The following B3GALT5 variants were observed in gnomAD, a reference collection of about 807,000 sequenced individuals.
The protein encoded by B3GALT5 is UDP-Gal:betaGlcNAc beta 1,3-galactosyltransferase, polypeptide 5.
For synonymous variants in B3GALT5, 156 were observed against 158.6 expected, an observed-to-expected ratio of 0.98 and a Z score of 0.12; for missense variants, 328 against 396.6, an observed-to-expected ratio of 0.83 and a Z score of 1.47.
chr21:39,632,496 C>T (rs905791615), intron 1 of B3GALT5, among the ~76,000 whole-genome samples: 6 of 152,130 alleles, frequency 3.9e-5, no homozygotes, highest in Non-Finnish European at 7.3e-5. Context: ...GACAAGGAGA[C>T]GCCACGTAAT....
intron 2 of B3GALT5, among the ~76,000 whole-genome samples, chr21:39,651,049 G>A (rs1015025573): frequency 5.3e-5 from 8 of 151,996 alleles, no homozygotes; most frequent in Non-Finnish European, 1.2e-4. Flanking sequence ...CGGTGCCATC[G>A]TGGTTTTGAA....
chr21:39,633,807 A>T (rs766773857), intron 1 of B3GALT5, among the ~76,000 whole-genome samples: 3 of 152,174 alleles, frequency 2.0e-5, no homozygotes, highest in Non-Finnish European at 2.9e-5. Context: ...TATTTGGTTT[A>T]TTTTGCCCTC....
chr21:39,628,698 G>A (rs1015637358), intron 1 of B3GALT5, among the ~76,000 whole-genome samples: 3 of 152,164 alleles, frequency 2.0e-5, no homozygotes, highest in Admixed American at 6.5e-5. Flanking sequence ...CACAAATGTC[G>A]TCCTGTACAG....
Position 39,662,551 on chromosome 21 carries a change from C to T in B3GALT5, c.*1059C>T, listed in dbSNP as rs1400776382. On this transcript the variant is annotated 3_prime_UTR_variant, in exon 4 of 4. Transcript: ENST00000684187. Reference sequence around the variant, plus strand: ...TGGGCCCTGGTGAAGCAGGGTGGTCCTGCGTCCACTTCCCAAGCCTGAGCC... The same window carrying T: ...TGGGCCCTGGTGAAGCAGGGTGGTCTTGCGTCCACTTCCCAAGCCTGAGCC... 1 of 167,172 alleles carries T rather than the reference C, an allele frequency of 6.0e-6. No individual in the cohort carries two copies. The highest frequency in any genetic ancestry group is 1.5e-5 in the Non-Finnish European group (1 of 68,108). The allele number at this position is 167,172 out of a possible 1,614,324, so 10.4% of individuals were successfully genotyped here.
chr21:39,622,359 A>C (rs1373386775), intron 1 of B3GALT5, among the ~76,000 whole-genome samples: 1 of 152,142 alleles, frequency 6.6e-6, no homozygotes, highest in Non-Finnish European at 1.5e-5. Context: ...GAAATGTGTA[A>C]AAATAAAATT....
At chr21:39,623,545 T>G (rs184308297) in intron 1 of B3GALT5, among the ~76,000 whole-genome samples, 27 of 152,144 alleles carry the variant, frequency 1.8e-4, no homozygotes, top group African/African-American at 6.3e-4. Flanking sequence ...TGTTTGAAAA[T>G]ATTTTAATTA....
chr21:39,637,029 T>C (rs634486), intron 1 of B3GALT5, among the ~76,000 whole-genome samples: 46,528 of 152,102 alleles, frequency 0.31, 7,568 homozygotes, highest in African/African-American at 0.41. Context: ...ACCCTGCCCT[T>C]GAGAACAGGG....
chr21:39,630,839 C>G (rs2079188193), intron 1 of B3GALT5, among the ~76,000 whole-genome samples: 1 of 152,124 alleles, frequency 6.6e-6, no homozygotes, highest in African/African-American at 2.4e-5. Flanking sequence ...GCCTTCAGGC[C>G]TTTCATCCCA....
At chr21:39,628,379 C>T (rs1005351168) in intron 1 of B3GALT5, among the ~76,000 whole-genome samples, 12 of 152,274 alleles carry the variant, frequency 7.9e-5, no homozygotes, top group South Asian at 2.1e-4. Context: ...GTATTGTACC[C>T]GTTAAGTAAT....
At chr21:39,639,440 C>T (rs956787192) in intron 1 of B3GALT5, among the ~76,000 whole-genome samples, 88 of 114,366 alleles carry the variant, frequency 7.7e-4, no homozygotes, top group Admixed American at 1.2e-3. Flanking sequence ...TTCTTTCTTT[C>T]TTTCTTTCTT....
intron 2 of B3GALT5, among the ~76,000 whole-genome samples, chr21:39,652,006 G>A (rs546602470): frequency 6.6e-6 from 1 of 152,314 alleles, no homozygotes; most frequent in South Asian, 2.1e-4. Flanking sequence ...GATGTTTGTT[G>A]TGGGGGGTGC....
rs571754735 is a variant in B3GALT5, at chr21:39,660,957, T to C, written c.398T>C (p.Leu133Pro). 1.7e-5 allele frequency: 27 copies of C among 1,606,602 alleles called. No homozygotes were observed. The highest frequency in any genetic ancestry group is 2.2e-5 in the Non-Finnish European group (26 of 1,175,170). ...CTAGACGTCTATTACAATCTGACCC[T>C]GAAGACCATGATGGGCATAGAATGG... ...DFLDVYYNLT[L>P]KTMMGIEWVH... The change falls in exon 4 of 4, where the codon CTG becomes CCG. Residue 133 changes from leucine (L) to proline (P), a missense_variant. By Grantham distance (98) the Leu-to-Pro change is moderately conservative. Coordinates refer to ENST00000684187, the MANE Select transcript of B3GALT5 (RefSeq NM_001356336.2).
chr21:39,618,406 A>G (rs2079117976), intron 1 of B3GALT5, among the ~76,000 whole-genome samples: 1 of 152,230 alleles, frequency 6.6e-6, no homozygotes, highest in Non-Finnish European at 1.5e-5. Context: ...GCTCCTACAT[A>G]CTATACCTCT....
rs372571924 is a variant in B3GALT5, at chr21:39,655,922, G to A, written c.-160-3831G>A. ...CCAGGGGAAGGGATATTTTCAGTCT[G>A]TACAACGAATCCACTGAAATGTTAA... is the stretch of plus-strand genomic sequence containing the variant. On this transcript the variant is annotated intron_variant, in intron 2 of 3. Coordinates refer to ENST00000684187, the MANE Select transcript of B3GALT5 (RefSeq NM_001356336.2). Among the ~76,000 whole-genome samples the A allele has an allele frequency of 2.6e-5, 4 of 152,280 alleles. No individual in the cohort carries two copies. The South Asian group carries it at 8.3e-4, about 32-fold the overall frequency.
chr21:39,644,617 G>A (rs891645611), intron 1 of B3GALT5, among the ~76,000 whole-genome samples: 9 of 152,198 alleles, frequency 5.9e-5, no homozygotes, highest in Non-Finnish European at 2.9e-5. Flanking sequence ...CGAAACGATG[G>A]CGTGTATCCC....
At chr21:39,647,095 T>A (rs2079347572) in intron 2 of B3GALT5, among the ~76,000 whole-genome samples, 1 of 151,998 alleles carries the variant, frequency 6.6e-6, no homozygotes, top group South Asian at 2.1e-4. Context: ...AGTGAGACCC[T>A]GTCTCAAAAA....
chr21:39,651,920 A>G (rs1277368670), intron 2 of B3GALT5, among the ~76,000 whole-genome samples: 2 of 152,132 alleles, frequency 1.3e-5, no homozygotes, highest in African/African-American at 4.8e-5. Flanking sequence ...TATGTTTTGT[A>G]TTATACATGT....
At chr21:39,626,202 T>C (rs540050766) in intron 1 of B3GALT5, among the ~76,000 whole-genome samples, 1 of 152,356 alleles carries the variant, frequency 6.6e-6, no homozygotes, top group East Asian at 1.9e-4. Context: ...GTGTCTGGTT[T>C]ATTTTATGTA....
chr21:39,649,851 A>G (rs1306928652), intron 2 of B3GALT5, among the ~76,000 whole-genome samples: 1 of 152,170 alleles, frequency 6.6e-6, no homozygotes, highest in Non-Finnish European at 1.5e-5. Context: ...TGGCAAAACC[A>G]ACTTTGCAGG....
Sources: gnomAD v4.1 joint callset for allele counts (sites outside exome capture counted in the v4.1 genomes callset) on GRCh38, gnomAD v4.1.1 for gene constraint, MANE v1.5 for transcripts, NCBI Gene and HGNC (gene_info 2026-07-23, HGNC 2026-07-21) for gene names.